Variants in AGL observed in about 807,000 individuals in gnomAD.
AGL encodes the protein glycogen debranching enzyme.
In AGL, 128 loss-of-function variants were observed where a neutral mutation model predicts 199.3. The ratio of observed to expected loss-of-function variants is 0.64; its 90% CI spans 0.56 to 0.74. The LOEUF is 0.74. Among genes scored for constraint, AGL ranks in the 30% least tolerant of loss-of-function variants. The pLI is 0.00. For missense variants in AGL, 1,809 were observed against 1,820.8 expected, an observed-to-expected ratio of 0.99 and a Z score of 0.12; for synonymous variants, 584 against 594.7, an observed-to-expected ratio of 0.98 and a Z score of 0.26.
At chr1:99,915,611 T>TA (rs368705786) in intron 31 of AGL, 125 bp downstream of exon 31, 908 of 735,946 alleles carry the variant, frequency 1.2e-3, no homozygotes, top group Non-Finnish European at 1.5e-3. Context: ...AAATAAAAGT[T>TA]AAAAAAAAAA....
At chr1:99,854,411 T>C (rs1303373395) in intron 2 of AGL, among the ~76,000 whole-genome samples, 4 of 152,216 alleles carry the variant, frequency 2.6e-5, no homozygotes, top group Non-Finnish European at 1.5e-5. Context: ...TATCCAAATG[T>C]TATAAATGAG....
At position 99,862,570 on chromosome 1, in the gene AGL, G is replaced by A. The variant is rs968281506; in HGVS notation, c.460+147G>A. ...GACTGGGTAATTTATAAAGAAAAGA[G>A]GTTTGACTCACAGTTCCGCAGGCTA... is the stretch of plus-strand genomic sequence containing the variant. On this transcript the variant is annotated intron_variant, in intron 4 of 33. Coordinates refer to ENST00000361915, the MANE Select transcript of AGL (RefSeq NM_000642.3). 77 of 939,336 alleles carry A rather than the reference G, an allele frequency of 8.2e-5. No homozygotes were observed. In the African/African-American group the frequency reaches 1.2e-3, roughly 15 times the overall value. The allele number at this position is 939,336 out of a possible 1,614,324, so 58.2% of individuals were successfully genotyped here. A position where few individuals can be genotyped will look rare whatever the true frequency, so the allele number is the denominator to read the frequency against.
At chr1:99,862,232 GT>G in intron 3 of AGL, 24 bp from the exon 4 acceptor site, 1 of 1,613,548 alleles carries the variant, frequency 6.2e-7, no homozygotes, top group South Asian at 1.1e-5. Flanking sequence ...TGACTGAAAA[GT>G]TTTTGTTTTG....
At chr1:99,884,772 A>T in intron 20 of AGL, 69 bp downstream of exon 20, 1 of 1,572,632 alleles carries the variant, frequency 6.4e-7, no homozygotes, top group Non-Finnish European at 8.7e-7. Context: ...TGAATTAAGC[A>T]GTTTTAAGGG....
Position 99,880,849 on chromosome 1 carries a change from ACT to A in AGL, c.1899+59_1899+60del, listed in dbSNP as rs1342843643. On this transcript the variant is annotated intron_variant, in intron 14 of 33. Coordinates refer to ENST00000361915, the MANE Select transcript of AGL (RefSeq NM_000642.3). ...ATTTTGCTAAATGCTTTGATATTTAACTCTCTGACACTTGGTCACAATCATAC... is the reference window on the plus strand; with the variant it reads ...ATTTTGCTAAATGCTTTGATATTTAACTCTGACACTTGGTCACAATCATAC... The A allele has an allele frequency of 2.0e-5, 32 of 1,576,304 alleles. No homozygotes were observed. The South Asian group carries it at 2.2e-4, about 11-fold the overall frequency.
At chr1:99,849,542 G>A (rs375368603), upstream of AGL, among the ~76,000 whole-genome samples, 31 of 152,124 alleles carry the variant, frequency 2.0e-4, no homozygotes, top group East Asian at 5.4e-3. Flanking sequence ...CCCGGACACC[G>A]TTAAGTATCA....
chr1:99,902,760 T>A lies in AGL; in HGVS notation c.3666T>A (p.Ala1222=), dbSNP rs1405081089. ...MQGIQFRERN[A]GPQIDRNMKD... ...GCATACAGTTCCGAGAAAGGAATGC[T>A]GGTCCCCAGATAGATCGAAACATGA... Residue 1222 remains alanine, a synonymous_variant, in exon 27 of 34, where the codon GCT becomes GCA. Transcript: ENST00000361915. 4 of 1,613,396 alleles carry A rather than the reference T, an allele frequency of 2.5e-6. No homozygotes were observed. The highest frequency in any genetic ancestry group is 3.4e-6 in the Non-Finnish European group (4 of 1,179,574).
intron 33 of AGL, among the ~76,000 whole-genome samples, chr1:99,918,710 G>T (rs1273601283): frequency 6.6e-6 from 1 of 152,048 alleles, no homozygotes; most frequent in Non-Finnish European, 1.5e-5. Flanking sequence ...AAATGTTTTT[G>T]AGCTTTGTTT....
Position 99,862,442 on chromosome 1 carries a change from CTTTT to C in AGL, c.460+21_460+24del, listed in dbSNP as rs762641745. The C allele has an allele frequency of 6.2e-7, 1 of 1,612,888 alleles. No homozygotes were observed. Among genetic ancestry groups the C allele is most frequent in the South Asian group, 1.1e-5 (1 of 90,934 alleles). ...GAATCAGGTAATGTCAGCTTGCTTT[CTTTT>C]TCTTATTTAAAAAAATAAATGTAAT... On this transcript the variant is annotated intron_variant, in intron 4 of 33. Coordinates refer to ENST00000361915, the MANE Select transcript of AGL (RefSeq NM_000642.3).
Position 99,884,150 on chromosome 1 carries a change from G to T in AGL, c.2339G>T (p.Arg780Ile), listed in dbSNP as rs1374626127. 6.2e-7 allele frequency: 1 copy of T among 1,612,510 alleles called. No individual in the cohort carries two copies. Among genetic ancestry groups the T allele is most frequent in the Non-Finnish European group, 8.5e-7 (1 of 1,178,948 alleles). The change falls in exon 18 of 34, where the codon AGA becomes ATA. Residue 780 changes from arginine to isoleucine, a missense_variant. By Grantham distance (97) the Arg-to-Ile change is moderately conservative. Transcript: ENST00000361915. ...ATTGAAGAAGTAGTTCTTGAAGCTA[G>T]AACTATTGAGAGAAACACGAAACCT... ...GKIEEVVLEA[R>I]TIERNTKPYR... is the part of the protein sequence containing the mutation.
At chr1:99,888,351 TCACATAAAA>T (rs1360094402) in intron 21 of AGL, among the ~76,000 whole-genome samples, 1 of 152,164 alleles carries the variant, frequency 6.6e-6, no homozygotes, top group Non-Finnish European at 1.5e-5. Context: ...ATGAGATCAT[TCACATAAAA>T]CACTGAAAAC....
rs78371504 is a variant in AGL at position 99,853,502 on chromosome 1, A to G, written c.82+2378A>G. 3.1e-3 allele frequency among the ~76,000 whole-genome samples: 477 copies of G among 152,310 alleles called. 3 individuals are homozygous for G. The highest frequency in any genetic ancestry group is 0.011 in the African/African-American group (462 of 41,556). ...CACTGTCTGCTTCCTTTGATTTCCA[A>G]TTACACAATGAGCACAGAACTATTA... On this transcript the variant is annotated intron_variant, in intron 2 of 33. Coordinates refer to ENST00000361915, the MANE Select transcript of AGL (RefSeq NM_000642.3).
intron 25 of AGL, 96 bp from the exon 26 acceptor site, chr1:99,900,540 C>T (rs867584553): frequency 5.4e-6 from 6 of 1,101,934 alleles, no homozygotes; most frequent in Middle Eastern, 2.1e-4. Context: ...AGAGAGAAAA[C>T]GCATTCAAAA....
At position 99,891,745 on chromosome 1, in the gene AGL, T is replaced by G. The variant is rs1347863504; in HGVS notation, c.3083+6T>G. On this transcript the variant is annotated splice_donor_region_variant and intron_variant, in intron 23 of 33. Coordinates refer to ENST00000361915, the MANE Select transcript of AGL (RefSeq NM_000642.3). ...GCATGGAAGCAGATGTCAAGGTATA[T>G]CCAACAAAGCTTGAATAAATGGGCA... 6.2e-7 allele frequency: 1 copy of G among 1,613,366 alleles called. No individual in the cohort carries two copies. The highest frequency in any genetic ancestry group is 1.3e-5 in the African/African-American group (1 of 75,014).
chr1:99,874,031 A>C (rs1651255745), intron 7 of AGL, among the ~76,000 whole-genome samples: 1 of 152,100 alleles, frequency 6.6e-6, no homozygotes, highest in African/African-American at 2.4e-5. Context: ...AAAACCATTT[A>C]TTTCCTTTTT....
intron 5 of AGL, among the ~76,000 whole-genome samples, chr1:99,866,390 T>TC (rs1650513878): frequency 6.6e-6 from 1 of 152,346 alleles, no homozygotes; most frequent in East Asian, 1.9e-4. Flanking sequence ...CTCTGCAGTC[T>TC]CCAACACTTT....
intron 17 of AGL, among the ~76,000 whole-genome samples, chr1:99,882,136 C>CAAA (rs761262994): frequency 3.1e-4 from 19 of 60,584 alleles, no homozygotes; most frequent in African/African-American, 1.0e-3. Context: ...GACCCTATCT[C>CAAA]AAAAAAAAAA....
intron 2 of AGL, 129 bp from the exon 3 acceptor site, chr1:99,861,374 A>G: frequency 6.5e-7 from 1 of 1,536,136 alleles, no homozygotes; most frequent in East Asian, 2.4e-5. Flanking sequence ...AAACAGCATT[A>G]GGTTTGCGGA....
At chr1:99,903,438 A>T (rs1654008875) in intron 27 of AGL, among the ~76,000 whole-genome samples, 2 of 152,148 alleles carry the variant, frequency 1.3e-5, no homozygotes, top group Non-Finnish European at 1.5e-5. Flanking sequence ...TTCCAGCTTC[A>T]TCCATGTCCC....
Sources: gnomAD v4.1 joint callset for allele counts (sites outside exome capture counted in the v4.1 genomes callset) on GRCh38, gnomAD v4.1.1 for gene constraint, MANE v1.5 for transcripts, NCBI Gene and HGNC (gene_info 2026-07-23, HGNC 2026-07-21) for gene names.